Variants in WDR70 observed in about 807,000 individuals in gnomAD.
The protein encoded by WDR70 is WD repeat domain 70, also known as WD repeat-containing protein 70.
In WDR70, 53 loss-of-function variants were observed where a neutral mutation model predicts 88.6. The observed-to-expected ratio is 0.60, with a 90% CI of 0.48 to 0.75. The LOEUF (loss-of-function observed/expected upper bound fraction) is 0.75, where lower values mean the gene tolerates loss of function less well. Ranked by LOEUF, WDR70 falls within the 30% of genes least tolerant of loss-of-function variation. The pLI, the probability that WDR70 is intolerant of heterozygous loss-of-function variation, is 0.00. For synonymous variants in WDR70, 280 were observed against 270.0 expected, an observed-to-expected ratio of 1.04 and a Z score of -0.36; for missense variants, 610 against 823.2, an observed-to-expected ratio of 0.74 and a Z score of 3.17.
In WDR70 at chr5:37,649,733, C is replaced by CTTTTTTTTTTTTTTTTTTTTTTTTTTT. The variant is rs70978834; in HGVS notation, c.1092+44517_1092+44518insTTTTTTTTTTTTTTTTTTTTTTTTTTT. Among the ~76,000 whole-genome samples the CTTTTTTTTTTTTTTTTTTTTTTTTTTT allele has an allele frequency of 2.9e-5, 2 of 68,738 alleles. 1 individual carries two copies. Among genetic ancestry groups the CTTTTTTTTTTTTTTTTTTTTTTTTTTT allele is most frequent in the African/African-American group, 1.3e-4 (2 of 15,598 alleles). 45.1% of individuals were successfully genotyped at this position (68,738 alleles called of 152,430 possible). A position where few individuals can be genotyped will look rare whatever the true frequency, so the allele number is the denominator to read the frequency against. On this transcript the variant is annotated intron_variant, in intron 10 of 17. Transcript: ENST00000265107. Reference sequence around the variant, plus strand: ...ATATACATTCACGATGTTATTACTTCTTTTTTTTTTTTTTTTTTTTTTGAG... The same window carrying CTTTTTTTTTTTTTTTTTTTTTTTTTTT: ...ATATACATTCACGATGTTATTACTTCTTTTTTTTTTTTTTTTTTTTTTTTTTTTTTTTTTTTTTTTTTTTTTTTTGAG...
chr5:37,734,269 T>G (rs1009043588), intron 17 of WDR70, among the ~76,000 whole-genome samples: 5 of 152,138 alleles, frequency 3.3e-5, no homozygotes, highest in Admixed American at 3.3e-4. Flanking sequence ...ACGTTAAACC[T>G]TACAAAATTT....
chr5:37,433,210 G>A (rs1011549895), intron 5 of WDR70, among the ~76,000 whole-genome samples: 6 of 152,012 alleles, frequency 3.9e-5, no homozygotes, highest in African/African-American at 1.4e-4. Context: ...ACAGGTGTGT[G>A]CTACCACGCC....
chr5:37,409,585 A>G (rs971073887), intron 5 of WDR70, among the ~76,000 whole-genome samples: 2 of 151,274 alleles, frequency 1.3e-5, no homozygotes, highest in Non-Finnish European at 2.9e-5. Flanking sequence ...TCCCCCTGCA[A>G]CCTCTGACTT....
chr5:37,665,588 T>G (rs893009142), intron 10 of WDR70, among the ~76,000 whole-genome samples: 4 of 152,236 alleles, frequency 2.6e-5, no homozygotes, highest in African/African-American at 9.6e-5. Context: ...GAACTCATGC[T>G]GCTGGAAAAT....
At chr5:37,411,557 C>T (rs1749525763) in intron 5 of WDR70, among the ~76,000 whole-genome samples, 2 of 152,136 alleles carry the variant, frequency 1.3e-5, no homozygotes, top group South Asian at 4.1e-4. Flanking sequence ...CAAACCCCAT[C>T]TCTACTAAAA....
At chr5:37,570,651 G>A (rs1742874450) in intron 9 of WDR70, among the ~76,000 whole-genome samples, 1 of 152,184 alleles carries the variant, frequency 6.6e-6, no homozygotes, top group Non-Finnish European at 1.5e-5. Flanking sequence ...ACAGAACTAA[G>A]AGAATGTGTC....
rs1748379021 is a variant in WDR70, at chr5:37,380,112, CT to C, written c.91+560del. On this transcript the variant is annotated intron_variant, in intron 2 of 17. Transcript: ENST00000265107. ...AATTATTTAAAAAATGAAAACAAAA[CT>C]TAGTAGACTGATACATGAAAAATGA... 1.3e-5 allele frequency among the ~76,000 whole-genome samples: 2 copies of C among 152,268 alleles called. 1 individual carries two copies. The highest frequency in any genetic ancestry group is 4.8e-5 in the African/African-American group (2 of 41,564).
At chr5:37,557,236 A>G (rs1742317179) in intron 9 of WDR70, among the ~76,000 whole-genome samples, 1 of 151,822 alleles carries the variant, frequency 6.6e-6, no homozygotes, top group Non-Finnish European at 1.5e-5. Flanking sequence ...AAAAATGAAA[A>G]AAAAAAAAAA....
chr5:37,553,451 T>C (rs1387631143), intron 9 of WDR70, among the ~76,000 whole-genome samples: 1 of 152,128 alleles, frequency 6.6e-6, no homozygotes, highest in African/African-American at 2.4e-5. Context: ...AATGTTAAGA[T>C]TTTTTTGGCA....
At chr5:37,461,147 C>G (rs1333417927) in intron 7 of WDR70, among the ~76,000 whole-genome samples, 1 of 150,834 alleles carries the variant, frequency 6.6e-6, no homozygotes, top group African/African-American at 2.4e-5. Flanking sequence ...GAAACAAACC[C>G]CAGAATAATG....
intron 7 of WDR70, among the ~76,000 whole-genome samples, chr5:37,475,592 TTTA>T (rs1241613286): frequency 6.6e-6 from 1 of 152,224 alleles, no homozygotes. Flanking sequence ...ATATACCAGC[TTTA>T]TTTTAGTAAG....
Position 37,592,241 on chromosome 5 carries a change from A to G in WDR70, c.918-12823A>G, listed in dbSNP as rs866747446. On this transcript the variant is annotated intron_variant, in intron 9 of 17. Transcript: ENST00000265107. ...ACACATAGCCTGAAGGTAATTTTATATAATATTTAAAAAAATTTTTTGCAT... is the reference window on the plus strand; with the variant it reads ...ACACATAGCCTGAAGGTAATTTTATGTAATATTTAAAAAAATTTTTTGCAT... 3.3e-5 allele frequency among the ~76,000 whole-genome samples: 5 copies of G among 152,338 alleles called. No individual in the cohort carries two copies. The South Asian group carries it at 6.2e-4, about 19-fold the overall frequency.
intron 9 of WDR70, among the ~76,000 whole-genome samples, chr5:37,564,672 C>G (rs1394287061): frequency 6.6e-6 from 1 of 152,016 alleles, no homozygotes; most frequent in Non-Finnish European, 1.5e-5. Context: ...AAAATTAGCT[C>G]TTAAGACTGC....
chr5:37,658,021 A>C (rs1344321216), intron 10 of WDR70, among the ~76,000 whole-genome samples: 1 of 152,240 alleles, frequency 6.6e-6, no homozygotes, highest in Non-Finnish European at 1.5e-5. Context: ...TCTTACAGTA[A>C]AGTAAGCTAA....
chr5:37,721,282 C>A, intron 14 of WDR70, 67 bp downstream of exon 14: 1 of 1,397,708 alleles, frequency 7.2e-7, no homozygotes, highest in East Asian at 2.3e-5. Flanking sequence ...TCCCTCCCAC[C>A]CCCGCTTTTA....
At chr5:37,582,028 G>A (rs115952108) in intron 9 of WDR70, among the ~76,000 whole-genome samples, 2,176 of 152,094 alleles carry the variant, frequency 0.014, 27 homozygotes, top group Middle Eastern at 0.024. Flanking sequence ...AAAATCTTTA[G>A]TAGTACCTGT....
chr5:37,632,272 T>C (rs1744839116), intron 10 of WDR70, among the ~76,000 whole-genome samples: 1 of 152,216 alleles, frequency 6.6e-6, no homozygotes, highest in East Asian at 1.9e-4. Context: ...AAATACTTGA[T>C]AATAAATGAC....
rs561421814 is a variant in WDR70 at position 37,648,131 on chromosome 5, A to C, written c.1092+42893A>C. Among the ~76,000 whole-genome samples, 28 of 152,328 alleles carry C rather than the reference A, an allele frequency of 1.8e-4. No homozygotes were observed. The South Asian group carries it at 5.6e-3, about 30-fold the overall frequency. Reference sequence around the variant, plus strand: ...GGCATGTTCTTTATCTGTGTTGGGAAGAAACCTTACATAGGGTGAGGCTCA... The same window carrying C: ...GGCATGTTCTTTATCTGTGTTGGGACGAAACCTTACATAGGGTGAGGCTCA... On this transcript the variant is annotated intron_variant, in intron 10 of 17. Transcript: ENST00000265107.
intron 5 of WDR70, among the ~76,000 whole-genome samples, chr5:37,414,559 G>A (rs1301398134): frequency 6.9e-6 from 1 of 144,790 alleles, no homozygotes; most frequent in Non-Finnish European, 1.5e-5. Flanking sequence ...TTGGTTTATT[G>A]TCTTTCTTCA....
Sources: allele counts gnomAD v4.1 joint callset (sites outside exome capture counted in the v4.1 genomes callset), GRCh38; gene constraint gnomAD v4.1.1; transcripts MANE v1.5; gene names NCBI Gene and HGNC (gene_info 2026-07-23, HGNC 2026-07-21).